SNTG1: variants seen among roughly 807,000 people sequenced by gnomAD.
The protein encoded by SNTG1 is syntrophin gamma 1, also known as gamma-1-syntrophin.
A neutral mutation model predicts 74.7 loss-of-function variants in SNTG1; 39 were observed. The ratio of observed to expected loss-of-function variants is 0.52; its 90% CI spans 0.40 to 0.68. SNTG1 has a LOEUF of 0.68. Among genes scored for constraint, SNTG1 ranks in the 30% least tolerant of loss-of-function variants. The pLI is 0.00. For missense variants in SNTG1, 685 were observed against 609.5 expected (o/e 1.12, Z -1.30); for synonymous variants, 254 against 217.1 (o/e 1.17, Z -1.49).
At chr8:50,526,520 G>A (rs2094220910) in intron 9 of SNTG1, among the ~76,000 whole-genome samples, 1 of 151,982 alleles carries the variant, frequency 6.6e-6, no homozygotes, top group Admixed American at 6.6e-5. Flanking sequence ...ATATATTGTT[G>A]CAAAGTTGGT....
intron 15 of SNTG1, among the ~76,000 whole-genome samples, chr8:50,686,482 A>G (rs2095352873): frequency 6.6e-6 from 1 of 152,166 alleles, no homozygotes; most frequent in Non-Finnish European, 1.5e-5. Flanking sequence ...TTTCCTAAGA[A>G]GAAGGAGGAA....
chr8:50,635,841 G>A (rs2095035769), intron 13 of SNTG1, among the ~76,000 whole-genome samples: 1 of 151,988 alleles, frequency 6.6e-6, no homozygotes, highest in African/African-American at 2.4e-5. Flanking sequence ...TTTTATCTCT[G>A]CTCTTCTAAA....
intron 2 of SNTG1, among the ~76,000 whole-genome samples, chr8:50,388,197 C>A (rs2092604088): frequency 6.6e-6 from 1 of 152,124 alleles, no homozygotes; most frequent in Non-Finnish European, 1.5e-5. Flanking sequence ...AATTTGAAAT[C>A]CTAGGCTCAC....
At position 50,216,564 on chromosome 8, in the gene SNTG1, C is replaced by G. The variant is rs560083873; in HGVS notation, c.-28+43929C>G. On this transcript the variant is annotated intron_variant, in intron 2 of 18. Transcript: ENST00000642720. Reference sequence around the variant, plus strand: ...TATCACATCCTTTTGTTATAAATTACTTAGACAAATTTGCTTTAGATTTTA... The same window carrying G: ...TATCACATCCTTTTGTTATAAATTAGTTAGACAAATTTGCTTTAGATTTTA... Among the ~76,000 whole-genome samples, 13 of 152,132 alleles carry G rather than the reference C, an allele frequency of 8.5e-5. 1 individual carries two copies. The highest frequency in any genetic ancestry group is 2.9e-4 in the African/African-American group (12 of 41,502).
At chr8:50,626,424 A>G (rs2094956711) in intron 13 of SNTG1, among the ~76,000 whole-genome samples, 1 of 152,180 alleles carries the variant, frequency 6.6e-6, no homozygotes, top group African/African-American at 2.4e-5. Context: ...AAATAAAGAC[A>G]CACACAGAAA....
chr8:50,294,762 C>T (rs2089284882), intron 2 of SNTG1, among the ~76,000 whole-genome samples: 1 of 152,184 alleles, frequency 6.6e-6, no homozygotes, highest in Non-Finnish European at 1.5e-5. Context: ...AGAGCCATGG[C>T]TCAGCCAAAT....
chr8:50,481,076 G>A (rs2093735881), intron 8 of SNTG1, among the ~76,000 whole-genome samples: 1 of 152,128 alleles, frequency 6.6e-6, no homozygotes, highest in African/African-American at 2.4e-5. Flanking sequence ...TAGTTTGAAG[G>A]CAAAGCTGAT....
chr8:50,743,801 T>A (rs774715500), intron 17 of SNTG1, among the ~76,000 whole-genome samples: 5 of 151,980 alleles, frequency 3.3e-5, no homozygotes, highest in Non-Finnish European at 7.4e-5. Flanking sequence ...TACCTGAGAC[T>A]GGGTAATTCA....
intron 1 of SNTG1, among the ~76,000 whole-genome samples, chr8:49,959,672 C>T (rs576478193): frequency 9.9e-5 from 15 of 152,282 alleles, no homozygotes; most frequent in African/African-American, 3.6e-4. Flanking sequence ...ATGGAAATGC[C>T]ACATTTTGTT....
chr8:50,720,428 A>G (rs186919258), intron 17 of SNTG1, among the ~76,000 whole-genome samples: 29 of 152,318 alleles, frequency 1.9e-4, no homozygotes, highest in Non-Finnish European at 4.1e-4. Context: ...TTATGCATCA[A>G]TTATGCTACA....
intron 15 of SNTG1, among the ~76,000 whole-genome samples, chr8:50,672,524 A>G (rs1003515975): frequency 1.1e-4 from 6 of 56,682 alleles, no homozygotes; most frequent in Non-Finnish European, 1.9e-4. Flanking sequence ...ACACTTTTTG[A>G]TGGGGTTGTT....
rs977194857 is a variant in SNTG1, at chr8:50,312,608, G to A, written c.-27-81604G>A. Among the ~76,000 whole-genome samples, 11 of 149,702 alleles carry A rather than the reference G, an allele frequency of 7.3e-5. 1 individual carries two copies. The highest frequency in any genetic ancestry group is 4.0e-4 in the East Asian group (2 of 5,032). ...AAGGGTTTGGGTTAAAAAGTTCTAC[G>A]ATTATGAAAAATTTCAAGCCTATAC... On this transcript the variant is annotated intron_variant, in intron 2 of 18. Transcript: ENST00000642720.
At chr8:50,395,447 T>TA (rs1301735590) in intron 3 of SNTG1, among the ~76,000 whole-genome samples, 70 of 151,566 alleles carry the variant, frequency 4.6e-4, no homozygotes, top group Admixed American at 1.1e-3. Flanking sequence ...CATATATTTT[T>TA]AAAAACTGAA....
intron 1 of SNTG1, among the ~76,000 whole-genome samples, chr8:50,067,165 C>G (rs1329550637): frequency 6.6e-6 from 1 of 152,156 alleles, no homozygotes. Context: ...GCTGCTGTCT[C>G]TCTTTCATTT....
At chr8:50,563,412 A>T (rs1225524545) in intron 12 of SNTG1, among the ~76,000 whole-genome samples, 2 of 152,152 alleles carry the variant, frequency 1.3e-5, no homozygotes, top group Non-Finnish European at 2.9e-5. Context: ...TTAAATTCTT[A>T]CATGTTCCGT....
chr8:50,433,246 A>G (rs186792454), intron 4 of SNTG1, among the ~76,000 whole-genome samples: 315 of 152,296 alleles, frequency 2.1e-3, no homozygotes, highest in African/African-American at 7.2e-3. Context: ...CACTTCTAGA[A>G]GAATTTTTTT....
chr8:50,033,350 G>T (rs776649491), intron 1 of SNTG1, among the ~76,000 whole-genome samples: 3 of 151,988 alleles, frequency 2.0e-5, no homozygotes, highest in African/African-American at 7.3e-5. Context: ...TCTCGAACTC[G>T]CAACCTCAGG....
intron 13 of SNTG1, chr8:50,643,857 G>C (rs2095089692): frequency 6.6e-6 from 1 of 152,344 alleles, no homozygotes; most frequent in Non-Finnish European, 1.5e-5. Flanking sequence ...GTTTCCGAGA[G>C]GGTGAACATG....
In SNTG1 at chr8:50,394,196, T is replaced by C; in HGVS notation, c.-27-16T>C. The C allele has an allele frequency of 6.2e-7, 1 of 1,609,940 alleles. No homozygotes were observed. The highest frequency in any genetic ancestry group is 1.1e-5 in the South Asian group (1 of 90,526). On this transcript the variant is annotated splice_polypyrimidine_tract_variant and intron_variant, in intron 2 of 18. Coordinates refer to ENST00000642720, the MANE Select transcript of SNTG1 (RefSeq NM_018967.5). ...CATGCTGTGCCTAATGGCTTACCAT[T>C]TCTGTGTCTTTTCAGACGACATCCT...
Sources: gnomAD v4.1 joint callset for allele counts (sites outside exome capture counted in the v4.1 genomes callset) on GRCh38, gnomAD v4.1.1 for gene constraint, MANE v1.5 for transcripts, NCBI Gene and HGNC (gene_info 2026-07-23, HGNC 2026-07-21) for gene names.